The following SKOR2 variants were observed in gnomAD, a reference collection of about 807,000 sequenced individuals.
SKOR2 encodes the protein SKI family transcriptional corepressor 2.
Under a neutral mutation model 69.1 loss-of-function variants are expected in SKOR2, and 47 were observed. The observed-to-expected ratio is 0.68, with a 90% CI of 0.54 to 0.87. SKOR2 has a LOEUF of 0.87. Among genes scored for constraint, SKOR2 ranks in the 40% least tolerant of loss-of-function variants. The probability of loss-of-function intolerance (pLI) is 0.00; values close to 1 mark genes in which losing one functional copy is unlikely to be tolerated. For synonymous variants in SKOR2, 717 were observed against 672.6 expected, an observed-to-expected ratio of 1.07 and a Z score of -1.02; for missense variants, 1,404 against 1,472.2, an observed-to-expected ratio of 0.95 and a Z score of 0.76.
chr18:47,238,937 C>T (rs1355922389), intron 4 of SKOR2, among the ~76,000 whole-genome samples: 5 of 152,238 alleles, frequency 3.3e-5, no homozygotes, highest in Admixed American at 1.3e-4. Context: ...GGCCTGGCCA[C>T]TGTTGAACAA....
chr18:47,213,504 A>G, intron 7 of SKOR2, among the ~76,000 whole-genome samples: 1 of 151,396 alleles, frequency 6.6e-6, no homozygotes. Flanking sequence ...TTAATGAGAA[A>G]GAGTTATAAA....
intron 4 of SKOR2, chr18:47,231,273 C>T (rs899292390): frequency 6.3e-5 from 67 of 1,070,576 alleles, no homozygotes; most frequent in Non-Finnish European, 8.0e-5. Flanking sequence ...AACCCCCTAC[C>T]GCCATCCATC....
chr18:47,241,384 G>T (rs1441208739), intron 4 of SKOR2, among the ~76,000 whole-genome samples: 1 of 152,132 alleles, frequency 6.6e-6, no homozygotes, highest in Non-Finnish European at 1.5e-5. Context: ...CTGACACTTT[G>T]CCAAATAAAT....
chr18:47,231,843 C>CA (rs11342275), intron 4 of SKOR2, among the ~76,000 whole-genome samples: 4,776 of 130,856 alleles, frequency 0.036, 219 homozygotes, highest in African/African-American at 0.11. Context: ...AACTCCATCT[C>CA]AAAAAAAAAA....
At chr18:47,237,430 C>T (rs1166205796) in intron 4 of SKOR2, among the ~76,000 whole-genome samples, 1 of 152,164 alleles carries the variant, frequency 6.6e-6, no homozygotes, top group African/African-American at 2.4e-5. Context: ...ACTATAAGAG[C>T]CAAACGAATG....
At chr18:47,230,358 G>A in intron 6 of SKOR2, 101 bp downstream of exon 6, 2 of 724,872 alleles carry the variant, frequency 2.8e-6, no homozygotes, top group Non-Finnish European at 3.9e-6. Context: ...GACTGTGTGT[G>A]TTTTGCACAA....
At chr18:47,240,055 G>A (rs146912035) in intron 4 of SKOR2, among the ~76,000 whole-genome samples, 1 of 152,248 alleles carries the variant, frequency 6.6e-6, no homozygotes, top group African/African-American at 2.4e-5. Flanking sequence ...ATATATTCAT[G>A]AGAAGTGTAA....
At chr18:47,237,967 T>C (rs1005394885) in intron 4 of SKOR2, among the ~76,000 whole-genome samples, 2 of 152,302 alleles carry the variant, frequency 1.3e-5, no homozygotes, top group African/African-American at 4.8e-5. Context: ...CATGAGCCAC[T>C]GTACCAGGCT....
At chr18:47,209,519 C>T (rs1220807276) in intron 8 of SKOR2, among the ~76,000 whole-genome samples, 1 of 152,118 alleles carries the variant, frequency 6.6e-6, no homozygotes, top group Non-Finnish European at 1.5e-5. Flanking sequence ...TTTAAGTAAC[C>T]ACTAATCTTC....
intron 7 of SKOR2, among the ~76,000 whole-genome samples, chr18:47,219,210 C>T (rs2064153490): frequency 6.6e-6 from 1 of 152,148 alleles, no homozygotes; most frequent in Non-Finnish European, 1.5e-5. Flanking sequence ...TTAAATATAT[C>T]TTGAAAATAT....
rs761865324 is a variant in SKOR2 at position 47,245,478 on chromosome 18, A to AGTTTTTTTTTTTTTTTTTTTT, written c.2677+19_2677+20insAAAAAAAAAAAAAAAAAAAAC. 1 of 785,128 alleles carries AGTTTTTTTTTTTTTTTTTTTT rather than the reference A, an allele frequency of 1.3e-6. No individual in the cohort carries two copies. The highest frequency in any genetic ancestry group is 1.7e-6 in the Non-Finnish European group (1 of 592,668). The allele number at this position is 785,128 out of a possible 1,614,324, so 48.6% of individuals were successfully genotyped here. ...ATGCAGGCAAGAAAAGTGGCAGCTG[A>AGTTTTTTTTTTTTTTTTTTTT]TTTTTTTTTTTTTTTTTACCTGAAA... On this transcript the variant is annotated intron_variant, in intron 3 of 8. Transcript: ENST00000425639.
chr18:47,245,485 T>TTTTTTTTC lies in SKOR2; in HGVS notation c.2677+12_2677+13insGAAAAAAA. The TTTTTTTTC allele has an allele frequency of 6.9e-7, 1 of 1,457,490 alleles. No homozygotes were observed. Among genetic ancestry groups the TTTTTTTTC allele is most frequent in the Non-Finnish European group, 9.0e-7 (1 of 1,109,012 alleles). The allele number at this position is 1,457,490 out of a possible 1,614,324, so 90.3% of individuals were successfully genotyped here. A position where few individuals can be genotyped will look rare whatever the true frequency, so the allele number is the denominator to read the frequency against. Reference sequence around the variant, plus strand: ...CAAGAAAAGTGGCAGCTGATTTTTTTTTTTTTTTTTACCTGAAAAGCTGTT... The same window carrying TTTTTTTTC: ...CAAGAAAAGTGGCAGCTGATTTTTTTTTTTTTTCTTTTTTTTTTACCTGAAAAGCTGTT... On this transcript the variant is annotated intron_variant, in intron 3 of 8. Coordinates refer to ENST00000425639, the MANE Select transcript of SKOR2 (RefSeq NM_001278063.4).
At position 47,248,425 on chromosome 18, in the gene SKOR2, G is replaced by A; in HGVS notation, c.759C>T (p.Cys253=). The A allele has an allele frequency of 6.5e-7, 1 of 1,532,654 alleles. No individual in the cohort carries two copies. Among genetic ancestry groups the A allele is most frequent in the East Asian group, 2.5e-5 (1 of 40,764 alleles). 94.9% of individuals were successfully genotyped at this position (1,532,654 alleles called of 1,614,324 possible). Residue 253 remains cysteine, a synonymous_variant, in exon 2 of 9, where the codon TGC becomes TGT. Coordinates refer to ENST00000425639, the MANE Select transcript of SKOR2 (RefSeq NM_001278063.4). The surrounding 1 kb of genome is among the most constrained non-coding windows in gnomAD (Gnocchi z 6.4). The part of the protein sequence containing the change: ...ALPQPGAHPA[C]HPLSSVKAAA... ...CCGCCTTCACAGAGCTGAGCGGGTG[G>A]CAGGCGGGGTGCGCGCCCGGCTGGG... is the stretch of plus-strand genomic sequence containing the variant.
At chr18:47,245,619 G>T in intron 2 of SKOR2, 58 bp from the exon 3 acceptor site, 1 of 1,418,684 alleles carries the variant, frequency 7.0e-7, no homozygotes, top group Non-Finnish European at 9.3e-7. Context: ...ATATGCTAAT[G>T]TCAACAGTCA....
rs1171113906 is a variant in SKOR2, at chr18:47,247,050, G to C, written c.2134C>G (p.His712Asp). Reference sequence around the variant, plus strand: ...CCGGGAGACAGAAGGCCTCGGTGGTGCGGGTGCTGGGCCAGAGGGGGCGGC... The same window carrying C: ...CCGGGAGACAGAAGGCCTCGGTGGTCCGGGTGCTGGGCCAGAGGGGGCGGC... ...PPPPPLAQHPHHRGLLSPGGT... is the reference protein window; with the variant it reads ...PPPPPLAQHPDHRGLLSPGGT... The change falls in exon 2 of 9, where the codon CAC (histidine) becomes GAC (aspartate). Residue 712 changes from histidine (H) to aspartate (D), a missense_variant. His to Asp is a moderately conservative substitution (Grantham distance 81, BLOSUM62 -1). This residue lies in a region of SKOR2 where 1,266 missense variants were observed against 1,309.9 expected (regional missense o/e 0.97). Transcript: ENST00000425639. This position sits in a 1 kb window ranked among gnomAD's most constrained non-coding sequence, Gnocchi z 6.6. 8.1e-6 allele frequency: 12 copies of C among 1,475,204 alleles called. No individual in the cohort carries two copies. Among genetic ancestry groups the C allele is most frequent in the Non-Finnish European group, 1.1e-5 (12 of 1,118,224 alleles). The allele number at this position is 1,475,204 out of a possible 1,614,324, so 91.4% of individuals were successfully genotyped here.
intron 8 of SKOR2, among the ~76,000 whole-genome samples, chr18:47,209,902 C>A (rs1311550690): frequency 6.6e-6 from 1 of 151,840 alleles, no homozygotes; most frequent in African/African-American, 2.4e-5. Context: ...GACCAGCCTG[C>A]GAAATATAGG....
chr18:47,231,158 A>G, intron 4 of SKOR2, 158 bp from the exon 5 acceptor site: 1 of 1,536,008 alleles, frequency 6.5e-7, no homozygotes, highest in Non-Finnish European at 8.7e-7. Context: ...ATTCGCATAT[A>G]ATCCTCCTGA....
Position 47,247,482 on chromosome 18 carries a change from C to T in SKOR2, c.1702G>A (p.Asp568Asn). 1 of 1,212,176 alleles carries T rather than the reference C, an allele frequency of 8.2e-7. No individual in the cohort carries two copies. The highest frequency in any genetic ancestry group is 4.1e-5 in the South Asian group (1 of 24,596). The allele number at this position is 1,212,176 out of a possible 1,614,324, so 75.1% of individuals were successfully genotyped here. ...FESPPGGSGG[D>N]CSAGSTPPAD... ...GGCGGCGTGGAGCCCGCGCTGCAGT[C>T]CCCGCCGCTGCCGCCCGGGGGCGAC... Residue 568 changes from aspartate (D) to asparagine (N), a missense_variant, in exon 2 of 9, where the codon GAC becomes AAC. Transcript: ENST00000425639. This position sits in a 1 kb window ranked among gnomAD's most constrained non-coding sequence, Gnocchi z 6.6.
intron 7 of SKOR2, among the ~76,000 whole-genome samples, chr18:47,213,260 A>G (rs2064133423): frequency 6.6e-6 from 1 of 151,796 alleles, no homozygotes; most frequent in African/African-American, 2.4e-5. Flanking sequence ...TTCTACATGT[A>G]AAGAATGAAT....
Sources: gnomAD v4.1 joint callset for allele counts (sites outside exome capture counted in the v4.1 genomes callset) on GRCh38, gnomAD v4.1.1 for gene constraint, gnomAD v4.1.1 regional missense constraint, Gnocchi (gnomAD v3.1) non-coding constraint, MANE v1.5 for transcripts, NCBI Gene and HGNC (gene_info 2026-07-23, HGNC 2026-07-21) for gene names.